HS3ST4: variants seen among roughly 807,000 people sequenced by gnomAD.
The protein encoded by HS3ST4 is heparan sulfate-glucosamine 3-sulfotransferase 4.
HS3ST4 carries 17 observed loss-of-function variants against 29.2 expected under a neutral mutation model. That is an observed-to-expected ratio of 0.58 (90% CI 0.40 to 0.87). HS3ST4 has a LOEUF of 0.87. HS3ST4 is among the 40% of genes least tolerant of loss of function. The pLI is 0.00. For missense variants in HS3ST4, 627 were observed against 634.5 expected, an observed-to-expected ratio of 0.99 and a Z score of 0.13; for synonymous variants, 314 against 285.7, an observed-to-expected ratio of 1.10 and a Z score of -1.00.
At chr16:25,857,767 C>T (rs1967588214) in intron 1 of HS3ST4, among the ~76,000 whole-genome samples, 1 of 152,064 alleles carries the variant, frequency 6.6e-6, no homozygotes, top group South Asian at 2.1e-4. Context: ...TACGTGCATA[C>T]TCAAACATAC....
intron 1 of HS3ST4, among the ~76,000 whole-genome samples, chr16:26,046,402 C>T (rs908200930): frequency 7.2e-5 from 11 of 152,066 alleles, no homozygotes; most frequent in African/African-American, 1.7e-4. Context: ...CCACCTGTCT[C>T]GGCTTCCCAA....
chr16:25,831,489 AC>A (rs1016674631), intron 1 of HS3ST4, among the ~76,000 whole-genome samples: 4 of 151,466 alleles, frequency 2.6e-5, no homozygotes, highest in African/African-American at 9.7e-5. Context: ...TACTCGGGAG[AC>A]TGAGGTGGGA....
At chr16:25,954,892 T>G (rs1316686757) in intron 1 of HS3ST4, among the ~76,000 whole-genome samples, 2 of 152,228 alleles carry the variant, frequency 1.3e-5, no homozygotes, top group Non-Finnish European at 2.9e-5. Context: ...GCCTGAGTCT[T>G]GGCAAAGACA....
In HS3ST4 at chr16:25,971,886, G is replaced by A. The variant is rs947374634; in HGVS notation, c.735-163726G>A. ...GCAGAGGTTGCAGTGAGCCAAGATC[G>A]TGCCACTGGACTCCAGCCTGGGCTA... On this transcript the variant is annotated intron_variant, in intron 1 of 1. Transcript: ENST00000331351. Among the ~76,000 whole-genome samples, 17 of 152,188 alleles carry A rather than the reference G, an allele frequency of 1.1e-4. No homozygotes were observed. The East Asian group carries it at 1.5e-3, about 14-fold the overall frequency.
chr16:26,106,554 A>G (rs1353805057), intron 1 of HS3ST4, among the ~76,000 whole-genome samples: 1 of 152,228 alleles, frequency 6.6e-6, no homozygotes, highest in African/African-American at 2.4e-5. Flanking sequence ...CCTGATTTAT[A>G]GTCATGCAGC....
intron 1 of HS3ST4, among the ~76,000 whole-genome samples, chr16:26,126,598 G>A (rs1448999077): frequency 6.6e-6 from 1 of 152,146 alleles, no homozygotes; most frequent in Non-Finnish European, 1.5e-5. Flanking sequence ...AGGCAGTTTG[G>A]GTAGACAAGT....
intron 1 of HS3ST4, among the ~76,000 whole-genome samples, chr16:25,768,849 A>C (rs1245030329): frequency 2.0e-5 from 3 of 152,110 alleles, no homozygotes; most frequent in Non-Finnish European, 4.4e-5. Context: ...TGGCTTCTTT[A>C]AAAGATGGAA....
chr16:25,913,730 G>A (rs575920005), intron 1 of HS3ST4, among the ~76,000 whole-genome samples: 7 of 152,106 alleles, frequency 4.6e-5, no homozygotes, highest in Non-Finnish European at 7.4e-5. Context: ...TGGTGTATGT[G>A]TATATGTAAG....
intron 1 of HS3ST4, among the ~76,000 whole-genome samples, chr16:25,973,620 G>A (rs58929406): frequency 0.021 from 3,123 of 152,256 alleles, 119 homozygotes; most frequent in African/African-American, 0.072. Context: ...GACCTTGGGC[G>A]TGTGGTTTAA....
chr16:26,049,361 AGGTCTACATCCG>A (rs1898308173), intron 1 of HS3ST4, among the ~76,000 whole-genome samples: 3 of 150,408 alleles, frequency 2.0e-5, no homozygotes, highest in African/African-American at 7.3e-5. Context: ...CTACATCCGG[AGGTCTACATCCG>A]GAGGTCTACA....
intron 1 of HS3ST4, among the ~76,000 whole-genome samples, chr16:25,903,978 C>T (rs1968149108): frequency 6.6e-6 from 1 of 152,122 alleles, no homozygotes; most frequent in African/African-American, 2.4e-5. Flanking sequence ...AATGAGAGAA[C>T]ATTGAAATGA....
At chr16:25,747,095 C>A (rs1041185071) in intron 1 of HS3ST4, among the ~76,000 whole-genome samples, 1 of 152,032 alleles carries the variant, frequency 6.6e-6, no homozygotes, top group East Asian at 1.9e-4. Context: ...TGGCTTCAAG[C>A]AATACTGCCT....
At chr16:25,929,689 C>T (rs1449413902) in intron 1 of HS3ST4, among the ~76,000 whole-genome samples, 1 of 152,114 alleles carries the variant, frequency 6.6e-6, no homozygotes, top group Non-Finnish European at 1.5e-5. Flanking sequence ...GCACAGGTGA[C>T]CATCTAGAAG....
chr16:26,123,119 G>A (rs1470047697), intron 1 of HS3ST4, among the ~76,000 whole-genome samples: 1 of 151,870 alleles, frequency 6.6e-6, no homozygotes, highest in East Asian at 1.9e-4. Context: ...AGATGGGGCT[G>A]TTTGTACCTA....
At chr16:26,047,007 TA>T (rs552543911) in intron 1 of HS3ST4, among the ~76,000 whole-genome samples, 48 of 151,178 alleles carry the variant, frequency 3.2e-4, no homozygotes, top group African/African-American at 1.1e-3. Flanking sequence ...TCTTGCAAAA[TA>T]AAAAAAAAGA....
intron 1 of HS3ST4, among the ~76,000 whole-genome samples, chr16:25,826,503 G>T (rs77978264): frequency 0.023 from 3,536 of 152,188 alleles, 155 homozygotes; most frequent in African/African-American, 0.081. Context: ...GAAGGGGTTG[G>T]GTGGCAAGGA....
At chr16:26,040,065 T>G (rs1472531035) in intron 1 of HS3ST4, among the ~76,000 whole-genome samples, 2 of 152,212 alleles carry the variant, frequency 1.3e-5, no homozygotes, top group Non-Finnish European at 2.9e-5. Flanking sequence ...CTAAAAAGCC[T>G]GCAGAAACAA....
At chr16:25,807,625 C>T (rs1423398158) in intron 1 of HS3ST4, among the ~76,000 whole-genome samples, 1 of 152,178 alleles carries the variant, frequency 6.6e-6, no homozygotes, top group African/African-American at 2.4e-5. Context: ...ACTTTATTTA[C>T]AATTTTTTAG....
chr16:25,744,013 C>CAT (rs1392327215), intron 1 of HS3ST4, among the ~76,000 whole-genome samples: 3 of 152,188 alleles, frequency 2.0e-5, no homozygotes, highest in Non-Finnish European at 4.4e-5. Context: ...CCTTTGATTA[C>CAT]ACTTGACTCC....
Sources: gnomAD v4.1 joint callset for allele counts (sites outside exome capture counted in the v4.1 genomes callset) on GRCh38, gnomAD v4.1.1 for gene constraint, MANE v1.5 for transcripts, NCBI Gene and HGNC (gene_info 2026-07-23, HGNC 2026-07-21) for gene names.